PLEKHA7: variants seen among roughly 807,000 people sequenced by gnomAD.
PLEKHA7 encodes the protein pleckstrin homology domain-containing family A member 7.
A neutral mutation model predicts 170.0 loss-of-function variants in PLEKHA7; 104 were observed. The ratio of observed to expected loss-of-function variants is 0.61; its 90% CI spans 0.52 to 0.72. The LOEUF is 0.72. PLEKHA7 is among the 30% of genes least tolerant of loss of function. PLEKHA7 has a pLI of 0.00. For missense variants in PLEKHA7, 1,615 were observed against 1,671.7 expected (o/e 0.97, Z 0.59); for synonymous variants, 648 against 660.8 (o/e 0.98, Z 0.30).
intron 3 of PLEKHA7, among the ~76,000 whole-genome samples, chr11:16,910,559 C>T (rs1858174191): frequency 6.6e-6 from 1 of 152,230 alleles, no homozygotes; most frequent in South Asian, 2.1e-4. Flanking sequence ...TGGAACACGG[C>T]TTCCCCCACT....
intron 4 of PLEKHA7, among the ~76,000 whole-genome samples, chr11:16,865,911 C>T (rs1267646868): frequency 2.0e-5 from 3 of 151,880 alleles, no homozygotes; most frequent in Non-Finnish European, 2.9e-5. Context: ...GATTTCAGCT[C>T]ACTGCAACCT....
intron 3 of PLEKHA7, among the ~76,000 whole-genome samples, chr11:16,921,142 G>A (rs1341894409): frequency 1.3e-5 from 2 of 152,004 alleles, no homozygotes; most frequent in Non-Finnish European, 2.9e-5. Context: ...AACACATTGA[G>A]AACTTCAGAC....
chr11:16,963,005 C>T (rs916207340), intron 3 of PLEKHA7, among the ~76,000 whole-genome samples: 14 of 152,298 alleles, frequency 9.2e-5, no homozygotes, highest in East Asian at 5.8e-4. Flanking sequence ...ATCAGAGTGA[C>T]GAGGAGCAAG....
intron 3 of PLEKHA7, among the ~76,000 whole-genome samples, chr11:16,905,664 G>A (rs11024075): frequency 0.087 from 13,221 of 152,162 alleles, 794 homozygotes; most frequent in Non-Finnish European, 0.13. Flanking sequence ...TGACTGGAGA[G>A]GGAGATCAGT....
chr11:16,843,827 C>T (rs1413853422), intron 8 of PLEKHA7, among the ~76,000 whole-genome samples: 2 of 152,256 alleles, frequency 1.3e-5, no homozygotes, highest in Admixed American at 6.5e-5. Flanking sequence ...ATCTCAGCTA[C>T]TCGGGAGGCT....
intron 17 of PLEKHA7, among the ~76,000 whole-genome samples, chr11:16,798,904 TA>T (rs1848410958): frequency 6.6e-6 from 1 of 152,216 alleles, no homozygotes; most frequent in South Asian, 2.1e-4. Flanking sequence ...AATTAAATGC[TA>T]TCAGAAGAGG....
intron 3 of PLEKHA7, among the ~76,000 whole-genome samples, chr11:16,939,011 G>C (rs551850528): frequency 1.3e-5 from 2 of 152,244 alleles, no homozygotes; most frequent in East Asian, 3.9e-4. Flanking sequence ...AAGATTCAAA[G>C]ATCTCCTAGA....
intron 9 of PLEKHA7, among the ~76,000 whole-genome samples, chr11:16,831,490 ACACAAGCCTTTCCCAGCTGGG>A (rs1335121302): frequency 6.6e-6 from 1 of 152,192 alleles, no homozygotes; most frequent in African/African-American, 2.4e-5. Context: ...AGCTAAGAAA[ACACAAGCCTTTCCCAGCTGGG>A]CTGCTGTTCC....
chr11:16,959,232 C>T (rs1861898103), intron 3 of PLEKHA7, among the ~76,000 whole-genome samples: 1 of 114,832 alleles, frequency 8.7e-6, no homozygotes, highest in Admixed American at 8.1e-5. Context: ...CCCCTCTCTC[C>T]CCCTCAGGTA....
chr11:17,004,487 G>A (rs565311175), intron 3 of PLEKHA7, among the ~76,000 whole-genome samples: 7 of 151,788 alleles, frequency 4.6e-5, no homozygotes, highest in African/African-American at 1.4e-4. Context: ...CTGCCTCCTG[G>A]GTTCAAGTGA....
chr11:16,888,056 G>C (rs1447109658), intron 3 of PLEKHA7, among the ~76,000 whole-genome samples: 3 of 152,196 alleles, frequency 2.0e-5, no homozygotes, highest in Middle Eastern at 3.4e-3. Context: ...CCCCGTTCTG[G>C]GAGGTGAGGA....
chr11:17,011,892 G>A (rs1447509383), intron 3 of PLEKHA7, among the ~76,000 whole-genome samples: 2 of 152,112 alleles, frequency 1.3e-5, no homozygotes, highest in Non-Finnish European at 2.9e-5. Flanking sequence ...CCATCTCAAC[G>A]ATATGAATGC....
At chr11:16,798,465 A>AG (rs1053434288) in intron 17 of PLEKHA7, among the ~76,000 whole-genome samples, 1 of 151,390 alleles carries the variant, frequency 6.6e-6, no homozygotes, top group Non-Finnish European at 1.5e-5. Context: ...TTGGGAGGGA[A>AG]GGGGGAAAAA....
intron 26 of PLEKHA7, among the ~76,000 whole-genome samples, chr11:16,779,356 A>C (rs1170917516): frequency 1.3e-5 from 2 of 152,136 alleles, no homozygotes; most frequent in Non-Finnish European, 2.9e-5. Context: ...TTGTTTTTCT[A>C]ACCTAAAAAA....
At chr11:16,854,337 G>A (rs566703560) in intron 6 of PLEKHA7, among the ~76,000 whole-genome samples, 1 of 152,202 alleles carries the variant, frequency 6.6e-6, no homozygotes, top group Non-Finnish European at 1.5e-5. Context: ...TCTGGTGATA[G>A]TGCTGAGGTT....
intron 12 of PLEKHA7, 136 bp downstream of exon 12, chr11:16,816,042 C>T (rs1298706595): frequency 2.7e-6 from 2 of 728,626 alleles, no homozygotes; most frequent in Admixed American, 2.2e-5. Flanking sequence ...AGTCATTCAA[C>T]TTCTCTGAGC....
chr11:16,817,024 A>C lies in PLEKHA7; in HGVS notation c.1642T>G (p.Phe548Val). 1 of 1,604,768 alleles carries C rather than the reference A, an allele frequency of 6.2e-7. No homozygotes were observed. The highest frequency in any genetic ancestry group is 8.5e-7 in the Non-Finnish European group (1 of 1,174,532). ...CTCCTGCTCCGGCCCTGGTCGGTGA[A>C]CTCTGGGGAGCCAAGGCAGATGGGC... ...TAPICLGSPE[F>V]TDQGRSRSML... The change falls in exon 11 of 27, where the codon TTC (phenylalanine) becomes GTC (valine). Residue 548 changes from phenylalanine to valine, a missense_variant. By Grantham distance (50) the Phe-to-Val change is conservative. Coordinates refer to ENST00000531066, the MANE Select transcript of PLEKHA7 (RefSeq NM_001329630.2). The surrounding 1 kb of genome is among the most constrained non-coding windows in gnomAD (Gnocchi z 4.4).
chr11:16,807,376 G>T lies in PLEKHA7; in HGVS notation c.2008-4081C>A, dbSNP rs112011361. Among the ~76,000 whole-genome samples the T allele has an allele frequency of 5.0e-3, 756 of 152,308 alleles. 6 individuals are homozygous for T. The highest frequency in any genetic ancestry group is 0.017 in the African/African-American group (710 of 41,572). ...CAAACAACCAGGCCTGAATCTTGGT[G>T]ATGCTACTTCCATGGGACCGTGGAT... On this transcript the variant is annotated intron_variant, in intron 13 of 26. Coordinates refer to ENST00000531066, the MANE Select transcript of PLEKHA7 (RefSeq NM_001329630.2).
At chr11:16,868,397 T>A (rs433660) in intron 4 of PLEKHA7, among the ~76,000 whole-genome samples, 50,265 of 152,028 alleles carry the variant, frequency 0.33, 8,636 homozygotes, top group Non-Finnish European at 0.38. Context: ...TTGAGGGGCA[T>A]GCACACATTA....
Sources: gnomAD v4.1 joint callset for allele counts (sites outside exome capture counted in the v4.1 genomes callset) on GRCh38, gnomAD v4.1.1 for gene constraint, Gnocchi (gnomAD v3.1) non-coding constraint, MANE v1.5 for transcripts, NCBI Gene and HGNC (gene_info 2026-07-23, HGNC 2026-07-21) for gene names.